The following NTRK3 variants were observed in gnomAD, a reference collection of about 807,000 sequenced individuals.
NTRK3 encodes the protein neurotrophic receptor tyrosine kinase 3.
Under a neutral mutation model 91.7 loss-of-function variants are expected in NTRK3, and 24 were observed. The observed-to-expected ratio is 0.26, with a 90% CI of 0.19 to 0.37. The LOEUF (loss-of-function observed/expected upper bound fraction) is 0.37, where lower values mean the gene tolerates loss of function less well. NTRK3 is among the 10% of genes least tolerant of loss of function. NTRK3 has a pLI of 1.00. For synonymous variants in NTRK3, 483 were observed against 404.0 expected (o/e 1.20, Z -2.34); for missense variants, 880 against 1,068.9 (o/e 0.82, Z 2.46).
exon 10 of NTRK3, chr15:88,135,111 C>G (rs768232238): frequency 6.2e-7 from 1 of 1,614,252 alleles, no homozygotes; most frequent in Non-Finnish European, 8.5e-7. Context: ...CTGGAAAGGG[C>G]TCCTTGAGGA....
At chr15:88,113,822 A>G (rs2051726304) in intron 13 of NTRK3, among the ~76,000 whole-genome samples, 1 of 152,182 alleles carries the variant, frequency 6.6e-6, no homozygotes, top group South Asian at 2.1e-4. Context: ...AGCAAAGTCT[A>G]AAATATTTAC....
chr15:88,219,190 T>C (rs1351527140), intron 3 of NTRK3, among the ~76,000 whole-genome samples: 1 of 152,210 alleles, frequency 6.6e-6, no homozygotes, highest in Non-Finnish European at 1.5e-5. Flanking sequence ...AGAGTCCAAC[T>C]TCCCCCTTCA....
At chr15:88,193,337 C>T (rs931040836) in intron 3 of NTRK3, among the ~76,000 whole-genome samples, 1 of 152,242 alleles carries the variant, frequency 6.6e-6, no homozygotes, top group Middle Eastern at 3.4e-3. Flanking sequence ...CAGGGCACAG[C>T]AGCAAGGGGA....
chr15:87,904,061 AGTTT>A (rs2066607304), intron 17 of NTRK3, among the ~76,000 whole-genome samples: 1 of 152,058 alleles, frequency 6.6e-6, no homozygotes. Flanking sequence ...AGAAATACTA[AGTTT>A]GTTTGGGTGG....
At chr15:88,210,313 C>T (rs773015493) in intron 3 of NTRK3, among the ~76,000 whole-genome samples, 40 of 152,222 alleles carry the variant, frequency 2.6e-4, no homozygotes, top group African/African-American at 8.4e-4. Context: ...AAGAGCAGCC[C>T]GATTCCAAAA....
chr15:87,882,365 A>G (rs2065300655), intron 17 of NTRK3, among the ~76,000 whole-genome samples: 2 of 152,248 alleles, frequency 1.3e-5, no homozygotes, highest in African/African-American at 4.8e-5. Context: ...CTAGAAAAAC[A>G]GTAAAAATAA....
At chr15:88,228,887 G>C (rs1018817858) in intron 3 of NTRK3, among the ~76,000 whole-genome samples, 7 of 152,180 alleles carry the variant, frequency 4.6e-5, no homozygotes, top group African/African-American at 1.7e-4. Flanking sequence ...GGGATGGCCA[G>C]GTTTGAAGCC....
intron 14 of NTRK3, among the ~76,000 whole-genome samples, chr15:87,944,268 A>G (rs1172877843): frequency 1.3e-5 from 2 of 152,192 alleles, no homozygotes; most frequent in Non-Finnish European, 2.9e-5. Flanking sequence ...CATAAGGCAA[A>G]TCACTTCCAT....
At chr15:88,067,664 G>A (rs1384900660) in intron 13 of NTRK3, among the ~76,000 whole-genome samples, 1 of 152,166 alleles carries the variant, frequency 6.6e-6, no homozygotes, top group African/African-American at 2.4e-5. Context: ...CCCTGGATGA[G>A]TCCACCCATT....
Position 88,222,619 on chromosome 15 carries a change from T to A in NTRK3, c.248+33287A>T, listed in dbSNP as rs543297998. Among the ~76,000 whole-genome samples, 72 of 152,278 alleles carry A rather than the reference T, an allele frequency of 4.7e-4. 2 individuals are homozygous for A. In the South Asian group the frequency reaches 9.5e-3, roughly 20 times the overall value. The stretch of plus-strand genomic sequence containing the variant: ...TCATAGGTGGGGAAACTGAGGCACA[T>A]AGAGCTCAAAGACTTGCCCAAGAAG... On this transcript the variant is annotated intron_variant, in intron 3 of 18. Transcript: ENST00000394480.
intron 14 of NTRK3, among the ~76,000 whole-genome samples, chr15:87,995,496 G>A (rs2075621578): frequency 6.6e-6 from 1 of 152,178 alleles, no homozygotes; most frequent in Non-Finnish European, 1.5e-5. Context: ...GCCATAGTGG[G>A]GAAGTACAAG....
intron 13 of NTRK3, among the ~76,000 whole-genome samples, chr15:88,121,020 C>T (rs939912593): frequency 1.3e-5 from 2 of 152,186 alleles, no homozygotes; most frequent in African/African-American, 4.8e-5. Flanking sequence ...GTAATTCTCA[C>T]AGTATCTCTG....
intron 17 of NTRK3, among the ~76,000 whole-genome samples, chr15:87,886,676 C>CTACATATATA (rs1555429880): frequency 4.0e-5 from 4 of 101,198 alleles, no homozygotes; most frequent in South Asian, 3.2e-4. Context: ...CCACTTTTTG[C>CTACATATATA]TATATATATA....
rs1315640574 is a variant in NTRK3 at position 88,240,396 on chromosome 15, T to G, written c.248+15510A>C. Among the ~76,000 whole-genome samples the G allele has an allele frequency of 6.6e-6, 1 of 152,048 alleles. No homozygotes were observed. ...CTGCCCTGACGCAGGGGACATTCTG[T>G]GAGGATGTGGCCAAAAACACCTGTG... On this transcript the variant is annotated intron_variant, in intron 3 of 18. Coordinates refer to ENST00000394480, the Ensembl canonical transcript of NTRK3. The surrounding 1 kb of genome is among the most constrained non-coding windows in gnomAD (Gnocchi z 4.9).
chr15:88,014,049 C>T (rs1596700162), intron 14 of NTRK3, among the ~76,000 whole-genome samples: 1 of 152,168 alleles, frequency 6.6e-6, no homozygotes. Context: ...AACAAAATAT[C>T]GCTCCAAAGG....
At chr15:87,914,846 G>T (rs1373703272) in intron 17 of NTRK3, among the ~76,000 whole-genome samples, 1 of 152,208 alleles carries the variant, frequency 6.6e-6, no homozygotes, top group African/African-American at 2.4e-5. Context: ...CGTGATGATT[G>T]GCAGAGTTGG....
intron 13 of NTRK3, among the ~76,000 whole-genome samples, chr15:88,089,149 G>C (rs2048778963): frequency 6.6e-6 from 1 of 151,496 alleles, no homozygotes; most frequent in Non-Finnish European, 1.5e-5. Flanking sequence ...GACGGGGGCG[G>C]TGGGGGAGAA....
chr15:87,901,776 G>GA (rs2066471474), intron 17 of NTRK3, among the ~76,000 whole-genome samples: 1 of 150,534 alleles, frequency 6.6e-6, no homozygotes, highest in African/African-American at 2.5e-5. Flanking sequence ...GGGGGGAGAG[G>GA]GGGAGAAAGG....
chr15:88,162,613 A>G (rs2044567630), intron 5 of NTRK3, among the ~76,000 whole-genome samples: 1 of 152,250 alleles, frequency 6.6e-6, no homozygotes, highest in African/African-American at 2.4e-5. Flanking sequence ...ATGGTTTCCA[A>G]TTAATTAACT....
Sources: allele counts gnomAD v4.1 joint callset (sites outside exome capture counted in the v4.1 genomes callset), GRCh38; gene constraint gnomAD v4.1.1; non-coding constraint Gnocchi (gnomAD v3.1); transcripts MANE v1.5; gene names NCBI Gene and HGNC (gene_info 2026-07-23, HGNC 2026-07-21).